CSMD1: variants seen among roughly 807,000 people sequenced by gnomAD.
The protein encoded by CSMD1 is CUB and Sushi multiple domains 1, also known as CUB and sushi domain-containing protein 1.
Under a neutral mutation model 417.5 loss-of-function variants are expected in CSMD1, and 213 were observed. The ratio of observed to expected loss-of-function variants is 0.51; its 90% confidence interval spans 0.46 to 0.57. The LOEUF (loss-of-function observed/expected upper bound fraction) is 0.57. Ranked by LOEUF, CSMD1 falls within the 20% of genes least tolerant of loss-of-function variation. The pLI, the probability that CSMD1 is intolerant of heterozygous loss-of-function variation, is 0.00. For synonymous variants in CSMD1, 2,862 were observed against 1,736.8 expected (o/e 1.65, Z -16.11); for missense variants, 6,923 against 4,529.7 (o/e 1.53, Z -15.17).
intron 50 of CSMD1, among the ~76,000 whole-genome samples, chr8:3,039,382 TCCTTCCTTCCCCCTTC>T (rs1276742032): frequency 6.0e-5 from 9 of 148,810 alleles, no homozygotes; most frequent in Non-Finnish European, 1.3e-4. Flanking sequence ...CTTTCTTCCT[TCCTTCCTTCCCCCTTC>T]CCTTCCTTCC....
chr8:4,471,655 T>C (rs1171443022), intron 2 of CSMD1, among the ~76,000 whole-genome samples: 2 of 152,056 alleles, frequency 1.3e-5, no homozygotes, highest in African/African-American at 4.8e-5. Context: ...GAACTGGGAA[T>C]GCTCACCCTG....
intron 6 of CSMD1, among the ~76,000 whole-genome samples, chr8:3,728,972 G>A (rs1033806026): frequency 6.6e-6 from 1 of 152,178 alleles, no homozygotes; most frequent in African/African-American, 2.4e-5. Context: ...ATATCTGCAG[G>A]GCTGAGGTGG....
rs529811366 is a variant in CSMD1 at position 3,622,033 on chromosome 8, A to G, written c.1010-5236T>C. Among the ~76,000 whole-genome samples, 16 of 149,754 alleles carry G rather than the reference A, an allele frequency of 1.1e-4. No individual in the cohort carries two copies. In the South Asian group the frequency reaches 1.9e-3, roughly 18 times the overall value. ...TGTGTGTGTGTTTGAATAGGTCTGT[A>G]TTTCTAACATTCTGATACTCTACTA... On this transcript the variant is annotated intron_variant, in intron 7 of 69. Transcript: ENST00000635120.
intron 3 of CSMD1, among the ~76,000 whole-genome samples, chr8:4,235,518 G>T (rs1228280778): frequency 6.6e-6 from 1 of 151,760 alleles, no homozygotes; most frequent in African/African-American, 2.4e-5. Flanking sequence ...TCTAAGTAAT[G>T]GTACATACAT....
intron 23 of CSMD1, among the ~76,000 whole-genome samples, chr8:3,318,752 G>T (rs950774661): frequency 6.6e-6 from 1 of 152,094 alleles, no homozygotes; most frequent in Non-Finnish European, 1.5e-5. Flanking sequence ...GGTTCCTTCT[G>T]CAGGGTTTCT....
intron 3 of CSMD1, among the ~76,000 whole-genome samples, chr8:4,322,840 C>G (rs958504894): frequency 3.3e-5 from 5 of 152,086 alleles, no homozygotes; most frequent in Admixed American, 1.3e-4. Flanking sequence ...CCTACAAACA[C>G]ACAAAAATTA....
intron 26 of CSMD1, among the ~76,000 whole-genome samples, chr8:3,239,231 C>T (rs1461811678): frequency 6.6e-6 from 1 of 152,040 alleles, no homozygotes; most frequent in Non-Finnish European, 1.5e-5. Flanking sequence ...ATAAAGGTTT[C>T]ACTGAATACC....
At chr8:4,213,398 T>A (rs1387449909) in intron 3 of CSMD1, among the ~76,000 whole-genome samples, 1 of 152,148 alleles carries the variant, frequency 6.6e-6, no homozygotes, top group Admixed American at 6.5e-5. Context: ...CTTCAATCCA[T>A]CCTAATCACT....
intron 5 of CSMD1, among the ~76,000 whole-genome samples, chr8:3,770,098 A>T (rs1798489385): frequency 6.6e-6 from 1 of 152,122 alleles, no homozygotes; most frequent in South Asian, 2.1e-4. Flanking sequence ...CCTTCTTTCC[A>T]TCAGAGCGAT....
chr8:3,878,181 T>G (rs914845455), intron 5 of CSMD1, among the ~76,000 whole-genome samples: 2 of 152,158 alleles, frequency 1.3e-5, no homozygotes, highest in African/African-American at 4.8e-5. Flanking sequence ...AAATGGAGAA[T>G]TCCAAATTTT....
chr8:4,076,166 G>GTTGCTCCA (rs1283819519), intron 3 of CSMD1, among the ~76,000 whole-genome samples: 4 of 152,156 alleles, frequency 2.6e-5, no homozygotes, highest in Non-Finnish European at 5.9e-5. Context: ...TTGCTCCATG[G>GTTGCTCCA]TGTTCTCACG....
intron 5 of CSMD1, among the ~76,000 whole-genome samples, chr8:3,800,412 T>G (rs1023120039): frequency 6.6e-6 from 1 of 152,178 alleles, no homozygotes; most frequent in Admixed American, 6.5e-5. Context: ...TATTGACACC[T>G]GTGAAGTGCT....
chr8:4,191,136 C>A (rs1277862035), intron 3 of CSMD1, among the ~76,000 whole-genome samples: 1 of 152,138 alleles, frequency 6.6e-6, no homozygotes, highest in Non-Finnish European at 1.5e-5. Context: ...GTAGCTCATG[C>A]CTGTAATCCC....
At chr8:3,834,734 T>G (rs1479177609) in intron 5 of CSMD1, among the ~76,000 whole-genome samples, 2 of 151,950 alleles carry the variant, frequency 1.3e-5, no homozygotes, top group African/African-American at 4.8e-5. Flanking sequence ...GACGGCTCCA[T>G]TCTCGGAGGT....
At chr8:4,591,178 ATAT>A (rs1451091321) in intron 2 of CSMD1, among the ~76,000 whole-genome samples, 1 of 152,228 alleles carries the variant, frequency 6.6e-6, no homozygotes, top group Non-Finnish European at 1.5e-5. Flanking sequence ...TGTTTACAAC[ATAT>A]TATTAGGTAT....
intron 5 of CSMD1, among the ~76,000 whole-genome samples, chr8:3,991,461 T>C (rs1275833754): frequency 2.0e-5 from 3 of 152,304 alleles, no homozygotes; most frequent in African/African-American, 7.2e-5. Flanking sequence ...ATGTGTCCTC[T>C]TAGAAGCCTG....
At chr8:4,083,296 T>C (rs1181641623) in intron 3 of CSMD1, among the ~76,000 whole-genome samples, 2 of 152,208 alleles carry the variant, frequency 1.3e-5, no homozygotes, top group Non-Finnish European at 2.9e-5. Context: ...GACTTTTTAA[T>C]GATCGCCATT....
chr8:3,778,886 A>G (rs188194610), intron 5 of CSMD1, among the ~76,000 whole-genome samples: 305 of 152,330 alleles, frequency 2.0e-3, no homozygotes, highest in Non-Finnish European at 3.3e-3. Context: ...GCATTTGGAC[A>G]AAAAGTAGGA....
At chr8:4,113,221 T>C (rs1353069995) in intron 3 of CSMD1, among the ~76,000 whole-genome samples, 1 of 152,066 alleles carries the variant, frequency 6.6e-6, no homozygotes, top group Non-Finnish European at 1.5e-5. Context: ...AATCCTACAG[T>C]GGCTCCTATG....
Sources: gnomAD v4.1 joint callset for allele counts (sites outside exome capture counted in the v4.1 genomes callset) on GRCh38, gnomAD v4.1.1 for gene constraint, MANE v1.5 for transcripts, NCBI Gene and HGNC (gene_info 2026-07-23, HGNC 2026-07-21) for gene names.